PIGL: variants seen among roughly 807,000 people sequenced by gnomAD.
PIGL encodes phosphatidylinositol glycan anchor biosynthesis class L.
PIGL carries 22 observed loss-of-function variants against 31.1 expected under a neutral mutation model. The ratio of observed to expected loss-of-function variants is 0.71; its 90% CI spans 0.51 to 1.01. The LOEUF (loss-of-function observed/expected upper bound fraction) is 1.01, where lower values mean the gene tolerates loss of function less well. PIGL is among the 50% of genes least tolerant of loss of function. PIGL has a pLI of 0.00. For synonymous variants in PIGL, 131 were observed against 117.4 expected, an observed-to-expected ratio of 1.12 and a Z score of -0.75; for missense variants, 302 against 315.9, an observed-to-expected ratio of 0.96 and a Z score of 0.33.
At chr17:16,252,440 A>G (rs2092776822) in intron 2 of PIGL, among the ~76,000 whole-genome samples, 1 of 152,090 alleles carries the variant, frequency 6.6e-6, no homozygotes, top group South Asian at 2.1e-4. Context: ...CTAAAAGGAT[A>G]GATACCAAAC....
chr17:16,249,840 A>T (rs1402764937), intron 2 of PIGL, among the ~76,000 whole-genome samples: 2 of 152,238 alleles, frequency 1.3e-5, no homozygotes, highest in African/African-American at 2.4e-5. Flanking sequence ...AGTTCCCTGA[A>T]TCACAGGCCA....
intron 3 of PIGL, among the ~76,000 whole-genome samples, chr17:16,304,007 C>T (rs2093016535): frequency 6.6e-6 from 1 of 152,156 alleles, no homozygotes; most frequent in Non-Finnish European, 1.5e-5. Flanking sequence ...AGCCACTGCG[C>T]CCGGCCTACT....
At chr17:16,290,482 C>T (rs2092955900) in intron 2 of PIGL, among the ~76,000 whole-genome samples, 1 of 151,918 alleles carries the variant, frequency 6.6e-6, no homozygotes, top group African/African-American at 2.4e-5. Flanking sequence ...CAGTCTTGAT[C>T]TCCCAGGCTC....
intron 3 of PIGL, among the ~76,000 whole-genome samples, chr17:16,312,167 G>C (rs1300196209): frequency 6.6e-6 from 1 of 150,444 alleles, no homozygotes; most frequent in African/African-American, 2.5e-5. Flanking sequence ...CCCGGACGGG[G>C]CGGCTGCTGG....
chr17:16,239,234 A>C (rs535947071), intron 2 of PIGL, among the ~76,000 whole-genome samples: 1 of 151,370 alleles, frequency 6.6e-6, no homozygotes, highest in Admixed American at 6.6e-5. Flanking sequence ...CTGTAATCCC[A>C]GCACTTTGGG....
intron 3 of PIGL, among the ~76,000 whole-genome samples, chr17:16,307,388 G>T (rs1382046227): frequency 1.3e-5 from 2 of 152,230 alleles, no homozygotes; most frequent in African/African-American, 4.8e-5. Context: ...CTCCTTCAAA[G>T]TTTCTGCTTT....
chr17:16,245,474 T>C (rs1434562423), intron 2 of PIGL, among the ~76,000 whole-genome samples: 2 of 150,466 alleles, frequency 1.3e-5, no homozygotes, highest in Admixed American at 6.7e-5. Flanking sequence ...GATGGGTTTA[T>C]TGGGACGTAG....
At chr17:16,229,293 T>C (rs923475753) in intron 1 of PIGL, among the ~76,000 whole-genome samples, 1 of 151,818 alleles carries the variant, frequency 6.6e-6, no homozygotes, top group Admixed American at 6.6e-5. Context: ...AAACTTCATT[T>C]CTTTTTATGG....
At chr17:16,314,368 A>G (rs1343400259) in intron 4 of PIGL, among the ~76,000 whole-genome samples, 1 of 152,234 alleles carries the variant, frequency 6.6e-6, no homozygotes, top group Non-Finnish European at 1.5e-5. Context: ...AAGCAATGCA[A>G]TATGTAAAGT....
At chr17:16,280,611 G>T (rs1026566471) in intron 2 of PIGL, among the ~76,000 whole-genome samples, 1 of 152,150 alleles carries the variant, frequency 6.6e-6, no homozygotes, top group Admixed American at 6.5e-5. Context: ...TGGTACATTT[G>T]TTACACTTGA....
At chr17:16,281,025 A>G (rs1351312613) in intron 2 of PIGL, among the ~76,000 whole-genome samples, 1 of 152,138 alleles carries the variant, frequency 6.6e-6, no homozygotes, top group African/African-American at 2.4e-5. Flanking sequence ...TTAAAAGGAA[A>G]AAAAATCTCA....
intron 2 of PIGL, among the ~76,000 whole-genome samples, chr17:16,255,048 G>A (rs540884668): frequency 7.3e-4 from 111 of 152,278 alleles, no homozygotes; most frequent in Non-Finnish European, 1.4e-3. Context: ...ATGTGTGTGT[G>A]GTCTCTAAGA....
intron 3 of PIGL, among the ~76,000 whole-genome samples, chr17:16,307,096 T>C (rs2093029533): frequency 6.6e-6 from 1 of 152,228 alleles, no homozygotes; most frequent in Admixed American, 6.5e-5. Context: ...GCCATTCCCA[T>C]GGCACAACCC....
chr17:16,276,068 ACT>A (rs2092893996), intron 2 of PIGL, among the ~76,000 whole-genome samples: 1 of 152,182 alleles, frequency 6.6e-6, no homozygotes, highest in Non-Finnish European at 1.5e-5. Context: ...GCCATTTATA[ACT>A]CTGACAAAAG....
chr17:16,288,146 G>A (rs1234716573), intron 2 of PIGL, among the ~76,000 whole-genome samples: 1 of 152,134 alleles, frequency 6.6e-6, no homozygotes, highest in Non-Finnish European at 1.5e-5. Context: ...TATGTTGGCC[G>A]TTTGCATTTC....
intron 1 of PIGL, among the ~76,000 whole-genome samples, chr17:16,219,962 T>G (rs1220868621): frequency 6.6e-6 from 1 of 152,182 alleles, no homozygotes; most frequent in African/African-American, 2.4e-5. Context: ...TGGATTTTAT[T>G]TGCAAAACAT....
At chr17:16,234,172 T>G in intron 2 of PIGL, 102 bp downstream of exon 2, 1 of 695,300 alleles carries the variant, frequency 1.4e-6, no homozygotes, top group Non-Finnish European at 2.5e-6. Context: ...GAGAACATCT[T>G]GTATGAAAAG....
intron 2 of PIGL, among the ~76,000 whole-genome samples, chr17:16,247,907 A>T (rs2092755598): frequency 6.6e-6 from 1 of 151,290 alleles, no homozygotes; most frequent in Admixed American, 6.6e-5. Flanking sequence ...TTTCTTTTGG[A>T]GATGGAGTCT....
intron 2 of PIGL, among the ~76,000 whole-genome samples, chr17:16,243,357 T>G (rs549161080): frequency 6.6e-6 from 1 of 152,332 alleles, no homozygotes; most frequent in Non-Finnish European, 1.5e-5. Context: ...GCCTGCTGAT[T>G]ATTCTTTATA....
Sources: allele counts gnomAD v4.1 joint callset (sites outside exome capture counted in the v4.1 genomes callset), GRCh38; gene constraint gnomAD v4.1.1; transcripts MANE v1.5; gene names NCBI Gene and HGNC (gene_info 2026-07-23, HGNC 2026-07-21).